Variants in EPS8 observed in about 807,000 individuals in gnomAD.
EPS8 encodes EGFR pathway substrate 8, signaling adaptor.
A neutral mutation model predicts 103.8 loss-of-function variants in EPS8; 42 were observed. That is an observed-to-expected ratio of 0.40 (90% CI 0.32 to 0.52). EPS8 has a LOEUF of 0.52. Ranked by LOEUF, EPS8 falls within the 20% of genes least tolerant of loss-of-function variation. The pLI is 0.40. For synonymous variants in EPS8, 344 were observed against 344.6 expected, an observed-to-expected ratio of 1.00 and a Z score of 0.02; for missense variants, 969 against 1,005.1, an observed-to-expected ratio of 0.96 and a Z score of 0.49.
At chr12:15,658,676 T>C in intron 10 of EPS8, 91 bp from the exon 11 acceptor site, 6 of 847,044 alleles carry the variant, frequency 7.1e-6, no homozygotes, top group Non-Finnish European at 6.0e-6. Context: ...GTCTGTAAAG[T>C]TTGAAGATCT....
intron 3 of EPS8, among the ~76,000 whole-genome samples, chr12:15,674,661 G>C (rs916760716): frequency 6.6e-6 from 1 of 152,138 alleles, no homozygotes; most frequent in Non-Finnish European, 1.5e-5. Context: ...CTGATTCCAT[G>C]AGGTAAAAAG....
Position 15,759,557 on chromosome 12 carries a change from T to C in EPS8, c.-22+29604A>G, listed in dbSNP as rs182366683. 8.5e-5 allele frequency among the ~76,000 whole-genome samples: 13 copies of C among 152,216 alleles called. No homozygotes were observed. Among genetic ancestry groups the C allele is most frequent in the African/African-American group, 3.1e-4 (13 of 41,568 alleles). ...TAAAATTATGGTTACAGATAGACCA[T>C]ATGTTAGGTCACAAAACAAGTGTCT... On this transcript the variant is annotated intron_variant, in intron 1 of 20. Transcript: ENST00000281172. The surrounding 1 kb of genome is among the most constrained non-coding windows in gnomAD (Gnocchi z 4.9).
intron 3 of EPS8, among the ~76,000 whole-genome samples, chr12:15,676,067 T>C (rs1328605616): frequency 6.6e-6 from 1 of 151,788 alleles, no homozygotes; most frequent in Non-Finnish European, 1.5e-5. Context: ...GGTCAGGAGA[T>C]CGAGACCATC....
intron 20 of EPS8, 117 bp from the exon 21 acceptor site, chr12:15,621,547 A>G: frequency 1.7e-6 from 1 of 593,820 alleles, no homozygotes; most frequent in Non-Finnish European, 2.9e-6. Context: ...CTCTTTAGGA[A>G]AGCTAACAGC....
At chr12:15,732,512 G>A (rs980698395) in intron 1 of EPS8, among the ~76,000 whole-genome samples, 2 of 152,076 alleles carry the variant, frequency 1.3e-5, no homozygotes, top group African/African-American at 4.8e-5. Flanking sequence ...AAGGCTCAGA[G>A]AGCATGCATG....
intron 15 of EPS8, among the ~76,000 whole-genome samples, chr12:15,645,508 C>T (rs1164087342): frequency 1.3e-5 from 2 of 151,950 alleles, no homozygotes; most frequent in African/African-American, 4.8e-5. Context: ...AGTGAGCTAA[C>T]TGAATCTATT....
rs1013352712 is a variant in EPS8, at chr12:15,736,809, C to T, written c.-22+52352G>A. On this transcript the variant is annotated intron_variant, in intron 1 of 20. Transcript: ENST00000281172. The surrounding 1 kb of genome is among the most constrained non-coding windows in gnomAD (Gnocchi z 4.2). ...CCATACAACCAAGCATATGTCAATACCCTCCATGGAGACACTATATTACAG... is the reference window on the plus strand; with the variant it reads ...CCATACAACCAAGCATATGTCAATATCCTCCATGGAGACACTATATTACAG... Among the ~76,000 whole-genome samples, 3 of 152,046 alleles carry T rather than the reference C, an allele frequency of 2.0e-5. No homozygotes were observed. Among genetic ancestry groups the T allele is most frequent in the African/African-American group, 7.2e-5 (3 of 41,400 alleles).
chr12:15,680,194 A>G (rs995073438), intron 3 of EPS8, among the ~76,000 whole-genome samples: 3 of 152,206 alleles, frequency 2.0e-5, no homozygotes, highest in Non-Finnish European at 2.9e-5. Context: ...ATGCCAATTC[A>G]CTAACATAGG....
In EPS8 at chr12:15,747,758, C is replaced by T. The variant is rs960618665; in HGVS notation, c.-22+41403G>A. Among the ~76,000 whole-genome samples the T allele has an allele frequency of 2.0e-5, 3 of 152,290 alleles. No homozygotes were observed. Among genetic ancestry groups the T allele is most frequent in the African/African-American group, 4.8e-5 (2 of 41,548 alleles). On this transcript the variant is annotated intron_variant, in intron 1 of 20. Transcript: ENST00000281172. The surrounding 1 kb of genome is among the most constrained non-coding windows in gnomAD (Gnocchi z 4.4). ...AAAAATAGCCAGGCGCAGTGGCTCA[C>T]GCCTGTAATCCCAGCACTTTGGGAG... is the stretch of plus-strand genomic sequence containing the variant.
At chr12:15,712,419 A>T (rs1211448266) in intron 1 of EPS8, among the ~76,000 whole-genome samples, 1 of 152,212 alleles carries the variant, frequency 6.6e-6, no homozygotes, top group Non-Finnish European at 1.5e-5. Context: ...AAACAATCCA[A>T]AGCAGTTAAT....
chr12:15,681,305 GTAATAATAATAATAA>G lies in EPS8; in HGVS notation c.60-18_60-4del, dbSNP rs201331879. On this transcript the variant is annotated splice_polypyrimidine_tract_variant and splice_region_variant and intron_variant, in intron 2 of 20. Coordinates refer to ENST00000281172, the MANE Select transcript of EPS8 (RefSeq NM_004447.6). ...AGGTAGGTGATGATCCGTAGCCACT[GTAATAATAATAATAA>G]TAATAATAATAATAATATAAAAAGG... The G allele has an allele frequency of 3.7e-6, 4 of 1,083,814 alleles. No individual in the cohort carries two copies. The highest frequency in any genetic ancestry group is 2.6e-5 in the Admixed American group (1 of 39,030). The allele number at this position is 1,083,814 out of a possible 1,614,324, so 67.1% of individuals were successfully genotyped here. A position where few individuals can be genotyped will look rare whatever the true frequency, so the allele number is the denominator to read the frequency against.
At chr12:15,624,567 G>A (rs1352599459) in intron 18 of EPS8, among the ~76,000 whole-genome samples, 160 bp from the exon 19 acceptor site, 1 of 152,082 alleles carries the variant, frequency 6.6e-6, no homozygotes, top group Non-Finnish European at 1.5e-5. Flanking sequence ...TAAATGCCAT[G>A]ATCAATTATT....
rs538982510 is a variant in EPS8 at position 15,704,263 on chromosome 12, AT to A, written c.-21-21292del. ...CAAAAGAACTGAAAGTAGAGACTAG[AT>A]ATTTGTACACCCATGCTCATATCAA... On this transcript the variant is annotated intron_variant, in intron 1 of 20. Transcript: ENST00000281172. This position sits in a 1 kb window ranked among gnomAD's most constrained non-coding sequence, Gnocchi z 4.6. Among the ~76,000 whole-genome samples, 541 of 152,296 alleles carry A rather than the reference AT, an allele frequency of 3.6e-3. 3 individuals are homozygous for A. Among genetic ancestry groups the A allele is most frequent in the Admixed American group, 4.8e-3 (74 of 15,296 alleles).
chr12:15,649,088 T>G (rs1475243612), intron 14 of EPS8, among the ~76,000 whole-genome samples: 6 of 152,240 alleles, frequency 3.9e-5, no homozygotes, highest in African/African-American at 9.6e-5. Context: ...GTTTTTCATT[T>G]TTTTAAACCT....
At chr12:15,699,249 A>T (rs879925945) in intron 1 of EPS8, among the ~76,000 whole-genome samples, 11 of 152,254 alleles carry the variant, frequency 7.2e-5, no homozygotes, top group Non-Finnish European at 1.0e-4. Context: ...AGTATGTCCC[A>T]GAGCTTTTAT....
At chr12:15,680,088 A>G (rs899558242) in intron 3 of EPS8, among the ~76,000 whole-genome samples, 1 of 152,182 alleles carries the variant, frequency 6.6e-6, no homozygotes, top group Non-Finnish European at 1.5e-5. Context: ...AATACTTAAT[A>G]AACTGAAACC....
Position 15,745,854 on chromosome 12 carries a change from C to T in EPS8, c.-22+43307G>A, listed in dbSNP as rs1946870313. The stretch of plus-strand genomic sequence containing the variant: ...AAAGGATGAATGACCAGGGCAAATA[C>T]GTTGTCCAAATGAAACTAGTTAACA... On this transcript the variant is annotated intron_variant, in intron 1 of 20. Coordinates refer to ENST00000281172, the MANE Select transcript of EPS8 (RefSeq NM_004447.6). The surrounding 1 kb of genome is among the most constrained non-coding windows in gnomAD (Gnocchi z 4.6). Among the ~76,000 whole-genome samples, 2 of 152,160 alleles carry T rather than the reference C, an allele frequency of 1.3e-5. No homozygotes were observed. Among genetic ancestry groups the T allele is most frequent in the South Asian group, 2.1e-4 (1 of 4,836 alleles).
chr12:15,627,833 C>T (rs913744832), intron 18 of EPS8, among the ~76,000 whole-genome samples: 1 of 152,068 alleles, frequency 6.6e-6, no homozygotes, highest in Non-Finnish European at 1.5e-5. Flanking sequence ...ACATTATGTT[C>T]GTTGTTTGTT....
At chr12:15,689,768 T>C (rs909246274) in intron 1 of EPS8, among the ~76,000 whole-genome samples, 2 of 152,206 alleles carry the variant, frequency 1.3e-5, no homozygotes, top group Non-Finnish European at 2.9e-5. Context: ...TACCCATTGT[T>C]AAGTGAAATA....
Sources: gnomAD v4.1 joint callset for allele counts (sites outside exome capture counted in the v4.1 genomes callset) on GRCh38, gnomAD v4.1.1 for gene constraint, Gnocchi (gnomAD v3.1) non-coding constraint, MANE v1.5 for transcripts, NCBI Gene and HGNC (gene_info 2026-07-23, HGNC 2026-07-21) for gene names.